Variants in N4BP1 observed in about 807,000 individuals in gnomAD.
N4BP1 encodes the protein NEDD4-binding protein 1.
In N4BP1, 21 loss-of-function variants were observed where a neutral mutation model predicts 70.9. The observed-to-expected ratio is 0.30, with a 90% CI of 0.21 to 0.43. The LOEUF (loss-of-function observed/expected upper bound fraction) is 0.43. N4BP1 is among the 20% of genes least tolerant of loss of function. The probability of loss-of-function intolerance (pLI) is 1.00; values close to 1 mark genes in which losing one functional copy is unlikely to be tolerated. For missense variants in N4BP1, 936 were observed against 1,069.4 expected (o/e 0.88, Z 1.74); for synonymous variants, 387 against 394.6 (o/e 0.98, Z 0.23).
intron 1 of N4BP1, among the ~76,000 whole-genome samples, chr16:48,564,605 TC>T (rs1430129387): frequency 6.6e-6 from 1 of 152,216 alleles, no homozygotes; most frequent in African/African-American, 2.4e-5. Flanking sequence ...ATTTGCTCCC[TC>T]TTTATAATTT....
chr16:48,561,131 G>T lies in N4BP1; in HGVS notation c.1512C>A (p.Val504=), dbSNP rs781251366. 6.2e-6 allele frequency: 10 copies of T among 1,613,988 alleles called. No homozygotes were observed. Among genetic ancestry groups the T allele is most frequent in the Admixed American group, 1.7e-5 (1 of 60,012 alleles). Residue 504 remains valine, a synonymous_variant, in exon 2 of 7, where the codon GTC becomes GTA. Transcript: ENST00000262384. ...PSVASPSPKE[V]NFVSRGASSH... ...TTGAAGCTCCCCTTGAAACAAAATT[G>T]ACTTCTTTGGGACTTGGAGAGGCAA...
At position 48,562,042 on chromosome 16, in the gene N4BP1, C is replaced by T. The variant is rs753294489; in HGVS notation, c.601G>A (p.Asp201Asn). 108 of 1,613,750 alleles carry T rather than the reference C, an allele frequency of 6.7e-5. No homozygotes were observed. ...QGEENLFETG[D>N]DEVIEMRDSQ... ...TCTCTCATTTCAATAACCTCATCAT[C>T]TCCTGTTTCAAAGAGATTCTCCTCA... Residue 201 changes from aspartate (D) to asparagine (N), a missense_variant, in exon 2 of 7, where the codon GAT (aspartate) becomes AAT (asparagine). Asp to Asn is a conservative substitution (Grantham distance 23). Transcript: ENST00000262384.
At chr16:48,606,757 C>T (rs1301583370) in intron 1 of N4BP1, among the ~76,000 whole-genome samples, 1 of 152,194 alleles carries the variant, frequency 6.6e-6, no homozygotes, top group East Asian at 1.9e-4. Context: ...AGTGAATTCA[C>T]ATTTTAAAGG....
At chr16:48,603,514 A>G (rs1186432221) in intron 1 of N4BP1, 4 of 151,958 alleles carry the variant, frequency 2.6e-5, no homozygotes, top group African/African-American at 9.7e-5. Context: ...TTATTTGTTA[A>G]CCAGCCAGGC....
chr16:48,563,591 C>G (rs1280807908), intron 1 of N4BP1, among the ~76,000 whole-genome samples: 1 of 152,100 alleles, frequency 6.6e-6, no homozygotes, highest in Middle Eastern at 3.2e-3. Flanking sequence ...GTTGGCCAAG[C>G]TGGTCTTGAA....
chr16:48,605,385 C>T (rs1964564160), intron 1 of N4BP1, among the ~76,000 whole-genome samples: 1 of 152,192 alleles, frequency 6.6e-6, no homozygotes, highest in Non-Finnish European at 1.5e-5. Context: ...CCCTCAACCT[C>T]ATCCCTTTCC....
chr16:48,559,553 TAA>T (rs1044909389), intron 2 of N4BP1: 2 of 152,196 alleles, frequency 1.3e-5, no homozygotes, highest in South Asian at 2.1e-4. Flanking sequence ...AATGGCAACC[TAA>T]GAGTATTCTT....
rs766939547 is a variant in N4BP1 at position 48,546,175 on chromosome 16, C to G, written c.2305G>C (p.Glu769Gln). Residue 769 changes from glutamate to glutamine, a missense_variant, in exon 6 of 7, where the codon GAG becomes CAG. Glu to Gln is a conservative substitution (Grantham distance 29). Coordinates refer to ENST00000262384, the MANE Select transcript of N4BP1 (RefSeq NM_153029.4). ...PLGRSGPRLE[E>Q]FLQKEVCLRD... ...AGACAGACTTCCTTCTGAAGAAACT[C>G]CTCTAATCGAGGTCCACTTCTTCCC... The G allele has an allele frequency of 1.9e-6, 3 of 1,612,672 alleles. No homozygotes were observed. In the African/African-American group the frequency reaches 4.0e-5, roughly 22 times the overall value.
chr16:48,609,684 C>G (rs1279011874), intron 1 of N4BP1, 91 bp downstream of exon 1: 1 of 1,128,502 alleles, frequency 8.9e-7, no homozygotes, highest in East Asian at 3.3e-5. Context: ...CCAGGCGCAT[C>G]GCGGCGGACG....
chr16:48,594,103 TC>T (rs1964377020), intron 1 of N4BP1, among the ~76,000 whole-genome samples: 1 of 152,054 alleles, frequency 6.6e-6, no homozygotes, highest in Non-Finnish European at 1.5e-5. Context: ...AAAAGAATTT[TC>T]ATGTAATATT....
chr16:48,588,864 C>T (rs1435514375), intron 1 of N4BP1, among the ~76,000 whole-genome samples: 1 of 152,090 alleles, frequency 6.6e-6, no homozygotes, highest in Non-Finnish European at 1.5e-5. Context: ...ATAGTTTTTA[C>T]ATTTTTAAAG....
chr16:48,567,953 C>T (rs1339456523), intron 1 of N4BP1, among the ~76,000 whole-genome samples: 4 of 152,118 alleles, frequency 2.6e-5, no homozygotes, highest in Non-Finnish European at 1.5e-5. Flanking sequence ...AATATTTCCC[C>T]TGCACTAAAT....
At chr16:48,595,872 C>T (rs566675716) in intron 1 of N4BP1, among the ~76,000 whole-genome samples, 18 of 152,248 alleles carry the variant, frequency 1.2e-4, no homozygotes, top group South Asian at 2.1e-4. Flanking sequence ...CCCAGGAGCC[C>T]CAAGTTATCT....
intron 1 of N4BP1, among the ~76,000 whole-genome samples, chr16:48,590,752 C>T (rs758629857): frequency 7.2e-5 from 11 of 152,180 alleles, no homozygotes; most frequent in Non-Finnish European, 1.5e-4. Flanking sequence ...GTATCCTAGG[C>T]GCTGCCACAG....
chr16:48,560,704 C>A (rs895465024), intron 2 of N4BP1, 50 bp downstream of exon 2: 4 of 1,540,666 alleles, frequency 2.6e-6, no homozygotes, highest in Non-Finnish European at 2.6e-6. Context: ...TTCTGAGACA[C>A]CATTTAGAGC....
chr16:48,586,934 C>T (rs1964254450), intron 1 of N4BP1, among the ~76,000 whole-genome samples: 1 of 152,040 alleles, frequency 6.6e-6, no homozygotes, highest in African/African-American at 2.4e-5. Context: ...CTTGTCAATG[C>T]CCACAATATG....
At position 48,562,072 on chromosome 16, in the gene N4BP1, G is replaced by T. The variant is rs768484205; in HGVS notation, c.571C>A (p.Gln191Lys). Residue 191 changes from glutamine (Q) to lysine (K), a missense_variant, in exon 2 of 7, where the codon CAA becomes AAA. Gln to Lys is a moderately conservative substitution (Grantham distance 53). Coordinates refer to ENST00000262384, the MANE Select transcript of N4BP1 (RefSeq NM_153029.4). ...GTTTCAAAGAGATTCTCCTCACCTTGTGTGAGTGTCAAAAGTTCTTTTTTC... is the reference window on the plus strand; with the variant it reads ...GTTTCAAAGAGATTCTCCTCACCTTTTGTGAGTGTCAAAAGTTCTTTTTTC... ...SLKKELLTLT[Q>K]GEENLFETGD... The T allele has an allele frequency of 3.7e-6, 6 of 1,613,656 alleles. No individual in the cohort carries two copies. The African/African-American group carries it at 4.0e-5, about 11-fold the overall frequency.
intron 1 of N4BP1, among the ~76,000 whole-genome samples, chr16:48,580,869 T>C (rs1964166324): frequency 6.6e-6 from 1 of 152,118 alleles, no homozygotes; most frequent in Non-Finnish European, 1.5e-5. Context: ...GCATTATAAG[T>C]AGGTCAAGGA....
In N4BP1 at chr16:48,609,828, C is replaced by T; in HGVS notation, c.145G>A (p.Ala49Thr). 6.7e-7 allele frequency: 1 copy of T among 1,486,758 alleles called. No individual in the cohort carries two copies. Among genetic ancestry groups the T allele is most frequent in the Non-Finnish European group, 8.9e-7 (1 of 1,123,302 alleles). 92.1% of individuals were successfully genotyped at this position (1,486,758 alleles called of 1,614,324 possible). The change falls in exon 1 of 7, where the codon GCG becomes ACG. Residue 49 changes from alanine to threonine, a missense_variant. Coordinates refer to ENST00000262384, the MANE Select transcript of N4BP1 (RefSeq NM_153029.4). ...GALGAEEPLP[A>T]RIWLQLCGAQ... The stretch of plus-strand genomic sequence containing the variant: ...CCGCAGAGCTGCAGCCAGATGCGCG[C>T]GGGCAGCGGCTCCTCAGCCCCTAGC...
Sources: gnomAD v4.1 joint callset for allele counts (sites outside exome capture counted in the v4.1 genomes callset) on GRCh38, gnomAD v4.1.1 for gene constraint, MANE v1.5 for transcripts, NCBI Gene and HGNC (gene_info 2026-07-23, HGNC 2026-07-21) for gene names.